Variants in IQCK observed in about 807,000 individuals in gnomAD.
IQCK encodes the protein IQ motif containing K, also known as IQ domain-containing protein K.
IQCK carries 29 observed loss-of-function variants against 28.1 expected under a neutral mutation model. That is an observed-to-expected ratio of 1.03 (90% confidence interval 0.77 to 1.41). The LOEUF (loss-of-function observed/expected upper bound fraction) is 1.41. Among genes scored for constraint, IQCK ranks in the 40% most tolerant of loss-of-function variants. IQCK has a pLI of 0.00. For synonymous variants in IQCK, 113 were observed against 115.1 expected (o/e 0.98, Z 0.12); for missense variants, 359 against 314.7 (o/e 1.14, Z -1.07).
At chr16:19,772,003 T>G (rs530632644) in intron 6 of IQCK, among the ~76,000 whole-genome samples, 1 of 152,274 alleles carries the variant, frequency 6.6e-6, no homozygotes, top group South Asian at 2.1e-4. Flanking sequence ...CTTATGTGAT[T>G]GTCTCCAGCA....
intron 7 of IQCK, among the ~76,000 whole-genome samples, chr16:19,806,216 G>A (rs2055831627): frequency 6.6e-6 from 1 of 152,144 alleles, no homozygotes; most frequent in Non-Finnish European, 1.5e-5. Context: ...AAGAGAGTCA[G>A]TGTGTAAGTG....
At chr16:19,739,764 A>G (rs2054806232) in intron 4 of IQCK, among the ~76,000 whole-genome samples, 1 of 152,114 alleles carries the variant, frequency 6.6e-6, no homozygotes. Context: ...GCAGTGAACC[A>G]TGATGGCGCC....
chr16:19,751,569 T>C (rs919330802), intron 4 of IQCK, among the ~76,000 whole-genome samples: 3 of 151,524 alleles, frequency 2.0e-5, no homozygotes, highest in African/African-American at 4.8e-5. Context: ...GGAAAGAGAG[T>C]TGGGGTCCAG....
chr16:19,770,725 T>A (rs910894859), intron 6 of IQCK, among the ~76,000 whole-genome samples: 1 of 152,020 alleles, frequency 6.6e-6, no homozygotes, highest in Non-Finnish European at 1.5e-5. Context: ...CGGGTTCAAG[T>A]GATTCTTCTG....
At chr16:19,739,982 A>G (rs554335552) in intron 4 of IQCK, among the ~76,000 whole-genome samples, 1 of 152,336 alleles carries the variant, frequency 6.6e-6, no homozygotes, top group African/African-American at 2.4e-5. Flanking sequence ...GAAGTTGAGC[A>G]TTACTCAAGG....
chr16:19,831,349 C>T (rs965033140), downstream of IQCK, among the ~76,000 whole-genome samples: 4 of 152,200 alleles, frequency 2.6e-5, no homozygotes, highest in African/African-American at 9.7e-5. Flanking sequence ...GGCTGAATTA[C>T]GAGAAGCAGA....
At chr16:19,849,486 G>A (rs2141121574) in intron 9 of IQCK, among the ~76,000 whole-genome samples, 1 of 151,976 alleles carries the variant, frequency 6.6e-6, no homozygotes, top group South Asian at 2.1e-4. Flanking sequence ...CAGGGGCTGG[G>A]TGCGGTGGCT....
intron 4 of IQCK, among the ~76,000 whole-genome samples, chr16:19,743,517 G>T (rs2054865987): frequency 6.6e-6 from 1 of 152,232 alleles, no homozygotes; most frequent in Non-Finnish European, 1.5e-5. Context: ...GCCTTGCTTT[G>T]TGCCAGATGT....
At chr16:19,758,134 T>C (rs1193922392) in intron 4 of IQCK, among the ~76,000 whole-genome samples, 1 of 152,218 alleles carries the variant, frequency 6.6e-6, no homozygotes, top group Non-Finnish European at 1.5e-5. Flanking sequence ...ACATAAACCC[T>C]GGGTGCCCTC....
At chr16:19,844,912 G>A (rs1388857216) in intron 9 of IQCK, among the ~76,000 whole-genome samples, 1 of 152,136 alleles carries the variant, frequency 6.6e-6, no homozygotes, top group African/African-American at 2.4e-5. Context: ...GGGCTAAAGT[G>A]ATCCTCCCAC....
chr16:19,772,996 C>T (rs1399055384), intron 6 of IQCK, among the ~76,000 whole-genome samples: 1 of 151,954 alleles, frequency 6.6e-6, no homozygotes, highest in South Asian at 2.1e-4. Flanking sequence ...GAGTGAGATC[C>T]TGTCTCAAAA....
chr16:19,751,324 A>C (rs1055144059), intron 4 of IQCK, among the ~76,000 whole-genome samples: 12 of 151,890 alleles, frequency 7.9e-5, no homozygotes, highest in African/African-American at 2.7e-4. Context: ...CTCTACAAAA[A>C]ATAGAAATTA....
chr16:19,727,664 G>A (rs911751678), intron 1 of IQCK, among the ~76,000 whole-genome samples: 3 of 151,928 alleles, frequency 2.0e-5, no homozygotes, highest in African/African-American at 7.2e-5. Flanking sequence ...ATAGGATTAG[G>A]TGTGACTTTT....
chr16:19,727,795 C>G (rs182230773), intron 1 of IQCK, among the ~76,000 whole-genome samples: 1 of 152,146 alleles, frequency 6.6e-6, no homozygotes, highest in Admixed American at 6.5e-5. Context: ...CAATTCCACA[C>G]TATAGCAATG....
Position 19,782,997 on chromosome 16 carries a change from T to G in IQCK, c.606-5841T>G, listed in dbSNP as rs553111463. ...TATAGCGTTGATTCTTCTTCTTTTT[T>G]TGTGTGTGTGTGTGTGTGTGAGACG... On this transcript the variant is annotated intron_variant, in intron 6 of 7. Coordinates refer to ENST00000564186, the Ensembl canonical transcript of IQCK. Among the ~76,000 whole-genome samples the G allele has an allele frequency of 4.4e-3, 665 of 150,924 alleles. 5 individuals carry two copies. Among genetic ancestry groups the G allele is most frequent in the East Asian group, 0.013 (66 of 5,148 alleles).
At chr16:19,812,846 G>A (rs1190472701) in intron 7 of IQCK, among the ~76,000 whole-genome samples, 2 of 152,260 alleles carry the variant, frequency 1.3e-5, no homozygotes, top group Non-Finnish European at 2.9e-5. Context: ...AAAAGGTAGG[G>A]GGGGAAATTC....
intron 7 of IQCK, among the ~76,000 whole-genome samples, chr16:19,793,533 T>C (rs1209569271): frequency 2.5e-5 from 2 of 78,468 alleles, no homozygotes; most frequent in African/African-American, 1.4e-4. Flanking sequence ...CCTAATCAAA[T>C]GGAAAGACAT....
At chr16:19,804,747 A>G (rs2055812621) in intron 7 of IQCK, among the ~76,000 whole-genome samples, 1 of 152,200 alleles carries the variant, frequency 6.6e-6, no homozygotes, top group Admixed American at 6.5e-5. Context: ...TATTTAAAGA[A>G]AAACACAATA....
At position 19,779,391 on chromosome 16, in the gene IQCK, C is replaced by T. The variant is rs145613282; in HGVS notation, c.606-9447C>T. ...CAACAGAGATTTCAGGCCTGAGCAA[C>T]TGGCTGAATGGGATCCCTTTACTGA... is the stretch of plus-strand genomic sequence containing the variant. On this transcript the variant is annotated intron_variant, in intron 6 of 7. Transcript: ENST00000564186. 4.7e-3 allele frequency among the ~76,000 whole-genome samples: 714 copies of T among 152,294 alleles called. 5 individuals are homozygous for T. The highest frequency in any genetic ancestry group is 0.017 in the African/African-American group (697 of 41,574).
Sources: allele counts gnomAD v4.1 joint callset (sites outside exome capture counted in the v4.1 genomes callset), GRCh38; gene constraint gnomAD v4.1.1; transcripts MANE v1.5; gene names NCBI Gene and HGNC (gene_info 2026-07-23, HGNC 2026-07-21).